The following RBFOX3 variants were observed in gnomAD, a reference collection of about 807,000 sequenced individuals.
RBFOX3 encodes the protein RNA binding fox-1 homolog 3.
A neutral mutation model predicts 48.7 loss-of-function variants in RBFOX3; 17 were observed. That is an observed-to-expected ratio of 0.35 (90% CI 0.24 to 0.52). The LOEUF is 0.52. Among genes scored for constraint, RBFOX3 ranks in the 20% least tolerant of loss-of-function variants. The pLI, the probability that RBFOX3 is intolerant of heterozygous loss-of-function variation, is 0.94. For synonymous variants in RBFOX3, 212 were observed against 209.5 expected (o/e 1.01, Z -0.10); for missense variants, 382 against 497.5 (o/e 0.77, Z 2.21).
At chr17:79,190,304 G>A (rs546481187) in intron 4 of RBFOX3, among the ~76,000 whole-genome samples, 2 of 151,984 alleles carry the variant, frequency 1.3e-5, no homozygotes, top group Non-Finnish European at 2.9e-5. Context: ...CTAGCTACTC[G>A]GGAGGCTGAG....
rs1429895392 is a variant in RBFOX3, at chr17:79,214,304, T to G, written c.-34+21462A>C. 6.6e-6 allele frequency among the ~76,000 whole-genome samples: 1 copy of G among 152,168 alleles called. No individual in the cohort carries two copies. The highest frequency in any genetic ancestry group is 2.4e-5 in the African/African-American group (1 of 41,432). ...CATGAAAAAACACTTTGCTTAATGA[T>G]TTTTAATAAAAATCAGACATGGTCA... On this transcript the variant is annotated intron_variant, in intron 4 of 14. Coordinates refer to ENST00000693108, the MANE Select transcript of RBFOX3 (RefSeq NM_001350451.2). The surrounding 1 kb of genome is among the most constrained non-coding windows in gnomAD (Gnocchi z 4.7).
At chr17:79,327,039 C>T (rs1380503554) in intron 2 of RBFOX3, among the ~76,000 whole-genome samples, 2 of 152,318 alleles carry the variant, frequency 1.3e-5, no homozygotes, top group Non-Finnish European at 1.5e-5. Context: ...TGCAGTCAGG[C>T]CTGTCTGACC....
intron 1 of RBFOX3, among the ~76,000 whole-genome samples, chr17:79,517,367 C>T (rs1208223459): frequency 6.6e-6 from 1 of 151,162 alleles, no homozygotes; most frequent in African/African-American, 2.4e-5. Flanking sequence ...ATCGCTTGAA[C>T]CCAGGGGGCG....
intron 4 of RBFOX3, among the ~76,000 whole-genome samples, chr17:79,131,099 CG>C (rs1318666411): frequency 6.6e-6 from 1 of 151,740 alleles, no homozygotes; most frequent in Non-Finnish European, 1.5e-5. Flanking sequence ...CTGTGTGCCC[CG>C]TGTGTGCACA....
At chr17:79,487,345 G>A (rs1251974942) in intron 1 of RBFOX3, among the ~76,000 whole-genome samples, 1 of 152,238 alleles carries the variant, frequency 6.6e-6, no homozygotes, top group African/African-American at 2.4e-5. Flanking sequence ...GGACTCACGA[G>A]TTGCCTTTGG....
intron 2 of RBFOX3, among the ~76,000 whole-genome samples, chr17:79,352,033 G>A (rs2084040959): frequency 6.6e-6 from 1 of 152,044 alleles, no homozygotes; most frequent in Non-Finnish European, 1.5e-5. Flanking sequence ...ATTCCTGGTG[G>A]AGCAAGCATA....
chr17:79,601,037 C>G (rs1310032600), intron 1 of RBFOX3: 3 of 152,336 alleles, frequency 2.0e-5, no homozygotes, highest in African/African-American at 7.2e-5. Context: ...CCGACATGGC[C>G]ATGCTCCCGC....
chr17:79,648,557 G>C, the RBFOX3 span, among the ~76,000 whole-genome samples: 1 of 152,220 alleles, frequency 6.6e-6, no homozygotes, highest in Non-Finnish European at 1.5e-5. Flanking sequence ...AGTACTCCAC[G>C]ATGTTAGCTG....
chr17:79,582,245 T>G (rs1184080486), intron 1 of RBFOX3, among the ~76,000 whole-genome samples: 1 of 152,060 alleles, frequency 6.6e-6, no homozygotes, highest in Non-Finnish European at 1.5e-5. Context: ...TGCCTGCCCA[T>G]GTATGTGCCT....
At chr17:79,350,414 C>T (rs573241164) in intron 2 of RBFOX3, among the ~76,000 whole-genome samples, 6 of 152,358 alleles carry the variant, frequency 3.9e-5, no homozygotes, top group African/African-American at 9.6e-5. Context: ...CTGACTGATA[C>T]ATCCTGTGAC....
rs1401117263 is a variant in RBFOX3 at position 79,522,403 on chromosome 17, C to T, written c.-319-39805G>A. On this transcript the variant is annotated intron_variant, in intron 1 of 14. Transcript: ENST00000693108. ...CCCAAACTTCACGTCCAGACACAAA[C>T]TCTCCTGCTGGCACCAGGGCTGGAG... is the stretch of plus-strand genomic sequence containing the variant. Among the ~76,000 whole-genome samples, 28 of 152,166 alleles carry T rather than the reference C, an allele frequency of 1.8e-4. 1 individual carries two copies. Among genetic ancestry groups the T allele is most frequent in the Admixed American group, 1.8e-3 (28 of 15,282 alleles).
rs541161410 is a variant in RBFOX3, at chr17:79,315,013, C to G, written c.-174-7189G>C. Among the ~76,000 whole-genome samples the G allele has an allele frequency of 1.4e-4, 21 of 152,138 alleles. No homozygotes were observed. The South Asian group carries it at 4.2e-3, about 30-fold the overall frequency. On this transcript the variant is annotated intron_variant, in intron 2 of 14. Transcript: ENST00000693108. ...ATCTTTTACCTTAATTATAAAAATT[C>G]TCCAAAAATTTTTTGAGACGAGCAT...
At chr17:79,545,545 G>A (rs2090308424) in intron 1 of RBFOX3, among the ~76,000 whole-genome samples, 1 of 152,244 alleles carries the variant, frequency 6.6e-6, no homozygotes, top group South Asian at 2.1e-4. Context: ...TCCCAGGCCT[G>A]ACTTGGTGTC....
At chr17:79,157,014 G>A (rs1442337665) in intron 4 of RBFOX3, among the ~76,000 whole-genome samples, 1 of 152,188 alleles carries the variant, frequency 6.6e-6, no homozygotes, top group African/African-American at 2.4e-5. Flanking sequence ...CCTGGCCAGA[G>A]CAGCAGCCCC....
chr17:79,197,525 A>T (rs1375239540), intron 4 of RBFOX3, among the ~76,000 whole-genome samples: 1 of 149,602 alleles, frequency 6.7e-6, no homozygotes, highest in Non-Finnish European at 1.5e-5. Context: ...AGTAGCTGGG[A>T]TTACAGGCAT....
intron 4 of RBFOX3, among the ~76,000 whole-genome samples, chr17:79,209,211 C>G (rs1282792359): frequency 1.3e-5 from 2 of 152,242 alleles, no homozygotes; most frequent in Non-Finnish European, 2.9e-5. Flanking sequence ...GGCCAGCCCT[C>G]CTGCACAAGG....
At position 79,167,435 on chromosome 17, in the gene RBFOX3, C is replaced by T. The variant is rs546961022; in HGVS notation, c.-33-51687G>A. On this transcript the variant is annotated intron_variant, in intron 4 of 14. Coordinates refer to ENST00000693108, the MANE Select transcript of RBFOX3 (RefSeq NM_001350451.2). Reference sequence around the variant, plus strand: ...TGAGCACCCTCCAAGGAGGCCCTGGCTGATGTCAGGGCTGTGGGTCCATGG... The same window carrying T: ...TGAGCACCCTCCAAGGAGGCCCTGGTTGATGTCAGGGCTGTGGGTCCATGG... 5.9e-5 allele frequency among the ~76,000 whole-genome samples: 9 copies of T among 152,334 alleles called. No homozygotes were observed. In the South Asian group the frequency reaches 1.9e-3, roughly 32 times the overall value.
intron 2 of RBFOX3, among the ~76,000 whole-genome samples, chr17:79,336,389 A>AAATAAATAAATAAAT (rs2081194161): frequency 5.4e-5 from 8 of 146,804 alleles, no homozygotes; most frequent in African/African-American, 2.0e-4. Context: ...TTCATCTCAA[A>AAATAAATAAATAAAT]AAATAAATAA....
chr17:79,407,624 G>C (rs931641961), intron 2 of RBFOX3, among the ~76,000 whole-genome samples: 2 of 152,208 alleles, frequency 1.3e-5, no homozygotes, highest in Non-Finnish European at 2.9e-5. Flanking sequence ...CAAACCAGAA[G>C]GAGCGAGTTG....
Sources: gnomAD v4.1 joint callset for allele counts (sites outside exome capture counted in the v4.1 genomes callset) on GRCh38, gnomAD v4.1.1 for gene constraint, Gnocchi (gnomAD v3.1) non-coding constraint, MANE v1.5 for transcripts, NCBI Gene and HGNC (gene_info 2026-07-23, HGNC 2026-07-21) for gene names.